Variants in RNF144A observed in about 807,000 individuals in gnomAD.
RNF144A encodes the protein ring finger protein 144A.
Under a neutral mutation model 38.7 loss-of-function variants are expected in RNF144A, and 11 were observed. The ratio of observed to expected loss-of-function variants is 0.28; its 90% CI spans 0.18 to 0.47. The LOEUF is 0.47. Ranked by LOEUF, RNF144A falls within the 20% of genes least tolerant of loss-of-function variation. The pLI, the probability that RNF144A is intolerant of heterozygous loss-of-function variation, is 0.99. For missense variants in RNF144A, 316 were observed against 377.2 expected (o/e 0.84, Z 1.34); for synonymous variants, 149 against 143.9 (o/e 1.04, Z -0.25).
At chr2:7,026,290 A>C (rs1251782975) in intron 7 of RNF144A, among the ~76,000 whole-genome samples, 3 of 152,238 alleles carry the variant, frequency 2.0e-5, no homozygotes, top group African/African-American at 7.2e-5. Flanking sequence ...AACGTGATGC[A>C]GCTGACAACA....
intron 2 of RNF144A, among the ~76,000 whole-genome samples, chr2:6,993,310 G>A (rs954795795): frequency 6.6e-6 from 1 of 152,090 alleles, no homozygotes; most frequent in East Asian, 1.9e-4. Flanking sequence ...GGGAGGTGAG[G>A]GCCATGGGCT....
chr2:6,956,104 A>G (rs1666979249), intron 2 of RNF144A, among the ~76,000 whole-genome samples: 2 of 152,124 alleles, frequency 1.3e-5, no homozygotes, highest in African/African-American at 4.8e-5. Context: ...ATCCCTCCTA[A>G]CCCATTTAAA....
intron 2 of RNF144A, among the ~76,000 whole-genome samples, chr2:6,965,204 C>G (rs1262297507): frequency 6.6e-6 from 1 of 152,144 alleles, no homozygotes; most frequent in Non-Finnish European, 1.5e-5. Flanking sequence ...AACAACCTTG[C>G]AGACACATGC....
chr2:7,030,477 C>T (rs1410699496), intron 8 of RNF144A, among the ~76,000 whole-genome samples: 1 of 152,068 alleles, frequency 6.6e-6, no homozygotes, highest in African/African-American at 2.4e-5. Context: ...GATGGGTCTT[C>T]AGCATCAGAC....
At chr2:7,070,249 A>G (rs183995786), downstream of RNF144A, among the ~76,000 whole-genome samples, 213 of 152,260 alleles carry the variant, frequency 1.4e-3, no homozygotes, top group Non-Finnish European at 2.7e-3. Flanking sequence ...AGCTTACTGT[A>G]GGTTTGACCT....
chr2:7,039,516 T>C, intron 8 of RNF144A, 113 bp from the exon 9 acceptor site: 1 of 1,512,068 alleles, frequency 6.6e-7, no homozygotes, highest in Admixed American at 2.0e-5. Context: ...AGATGGATGG[T>C]TGGGTGGATG....
At chr2:6,929,008 A>G (rs139293971) in intron 1 of RNF144A, among the ~76,000 whole-genome samples, 12 of 152,344 alleles carry the variant, frequency 7.9e-5, no homozygotes, top group African/African-American at 2.2e-4. Flanking sequence ...CCCTAGACAC[A>G]GCAGACTTGG....
intron 8 of RNF144A, among the ~76,000 whole-genome samples, chr2:7,036,651 GA>G (rs1672700301): frequency 6.6e-6 from 1 of 152,332 alleles, no homozygotes; most frequent in African/African-American, 2.4e-5. Context: ...TGTGAAATGA[GA>G]AAATTAGACT....
chr2:6,998,685 T>A (rs1669913390), intron 3 of RNF144A, among the ~76,000 whole-genome samples: 1 of 152,224 alleles, frequency 6.6e-6, no homozygotes, highest in Non-Finnish European at 1.5e-5. Context: ...TTTGACATTG[T>A]TCTGAGATGG....
chr2:7,060,362 G>A (rs1309355076), intron 6 of RNF144A, among the ~76,000 whole-genome samples: 3 of 152,046 alleles, frequency 2.0e-5, no homozygotes, highest in African/African-American at 4.8e-5. Flanking sequence ...AGGAAAGAGA[G>A]CACATGTGCT....
intron 1 of RNF144A, among the ~76,000 whole-genome samples, chr2:6,930,601 TA>T (rs1665145759): frequency 6.6e-6 from 1 of 152,198 alleles, no homozygotes; most frequent in Admixed American, 6.5e-5. Flanking sequence ...ATGTATAATT[TA>T]TTTTTTTGAG....
chr2:7,058,736 G>A (rs1673839070), intron 6 of RNF144A, among the ~76,000 whole-genome samples: 4 of 152,106 alleles, frequency 2.6e-5, no homozygotes, highest in Admixed American at 2.6e-4. Flanking sequence ...ATCCAATAAA[G>A]GTGAATATAT....
intron 3 of RNF144A, among the ~76,000 whole-genome samples, chr2:7,003,428 A>G (rs1240500895): frequency 6.6e-6 from 1 of 152,088 alleles, no homozygotes; most frequent in Non-Finnish European, 1.5e-5. Flanking sequence ...CATATTTTAA[A>G]CCTCTTCTAT....
chr2:6,971,995 G>A (rs562588291), intron 2 of RNF144A, among the ~76,000 whole-genome samples: 9 of 152,268 alleles, frequency 5.9e-5, no homozygotes, highest in African/African-American at 1.9e-4. Context: ...GAGATCCTTG[G>A]AAGGGGAGTC....
intron 2 of RNF144A, among the ~76,000 whole-genome samples, chr2:6,974,683 C>T (rs530581315): frequency 6.6e-6 from 1 of 152,078 alleles, no homozygotes; most frequent in Non-Finnish European, 1.5e-5. Context: ...GCTGACCAAC[C>T]TTGTTTAACT....
intron 2 of RNF144A, among the ~76,000 whole-genome samples, chr2:6,964,221 A>G (rs560360374): frequency 2.6e-4 from 39 of 152,270 alleles, no homozygotes; most frequent in African/African-American, 9.1e-4. Flanking sequence ...ATGAAAAAAT[A>G]CTCATCATCA....
intron 1 of RNF144A, among the ~76,000 whole-genome samples, chr2:6,922,903 C>T (rs979871038): frequency 7.2e-5 from 11 of 152,150 alleles, no homozygotes; most frequent in African/African-American, 1.9e-4. Flanking sequence ...GGATTACAGG[C>T]GTGAGCCACC....
chr2:6,920,110 C>T (rs1303749098), intron 1 of RNF144A, among the ~76,000 whole-genome samples: 1 of 152,206 alleles, frequency 6.6e-6, no homozygotes, highest in Admixed American at 6.5e-5. Flanking sequence ...TGGCAGGCGG[C>T]GGCAGGGTTG....
intron 3 of RNF144A, among the ~76,000 whole-genome samples, chr2:7,012,944 G>A (rs1670910952): frequency 6.6e-6 from 1 of 152,170 alleles, no homozygotes; most frequent in South Asian, 2.1e-4. Context: ...AACACAGGCT[G>A]GAACACAGGG....
Sources: gnomAD v4.1 joint callset for allele counts (sites outside exome capture counted in the v4.1 genomes callset) on GRCh38, gnomAD v4.1.1 for gene constraint, MANE v1.5 for transcripts, NCBI Gene and HGNC (gene_info 2026-07-23, HGNC 2026-07-21) for gene names.